COA5: variants seen among roughly 807,000 people sequenced by gnomAD.
COA5 encodes cytochrome c oxidase assembly factor 5.
COA5 carries 11 observed loss-of-function variants against 11.8 expected under a neutral mutation model. The ratio of observed to expected loss-of-function variants is 0.93; its 90% CI spans 0.59 to 1.54. COA5 has a LOEUF of 1.54. Among genes scored for constraint, COA5 ranks in the 40% most tolerant of loss-of-function variants. The probability of loss-of-function intolerance (pLI) is 0.00; values close to 1 mark genes in which losing one functional copy is unlikely to be tolerated. For synonymous variants in COA5, 38 were observed against 37.5 expected (o/e 1.01, Z -0.05); for missense variants, 87 against 89.2 (o/e 0.97, Z 0.10).
intron 2 of COA5, 99 bp from the exon 3 acceptor site, chr2:98,600,892 AGTT>A: frequency 1.3e-6 from 1 of 778,318 alleles, no homozygotes; most frequent in South Asian, 1.5e-5. Context: ...GAAATAAACC[AGTT>A]ATTAGCAAAA....
chr2:98,603,612 A>G (rs1700673092), intron 2 of COA5, among the ~76,000 whole-genome samples: 2 of 152,222 alleles, frequency 1.3e-5, no homozygotes, highest in Non-Finnish European at 1.5e-5. Context: ...AAAGATCTCC[A>G]TACATCTTCC....
In COA5 at chr2:98,604,369, T is replaced by A. The variant is rs529161842; in HGVS notation, c.100-178A>T. ...TGGTGCCTAAAGAATGAAAAAAAAA[T>A]TGTAAAGTAACTTGGGAACTTTAAG... On this transcript the variant is annotated intron_variant, in intron 1 of 2. Transcript: ENST00000328709. 11 of 588,636 alleles carry A rather than the reference T, an allele frequency of 1.9e-5. No individual in the cohort carries two copies. The African/African-American group carries it at 2.1e-4, about 11-fold the overall frequency. 36.5% of individuals were successfully genotyped at this position (588,636 alleles called of 1,614,324 possible).
At chr2:98,606,477 C>T (rs533888905) in intron 1 of COA5, among the ~76,000 whole-genome samples, 7 of 152,292 alleles carry the variant, frequency 4.6e-5, no homozygotes, top group South Asian at 2.1e-4. Context: ...TATTCAATGG[C>T]GGGAAAAGCA....
chr2:98,608,203 G>T, intron 1 of COA5, 104 bp downstream of exon 1: 1 of 807,802 alleles, frequency 1.2e-6, no homozygotes. Flanking sequence ...CTACGCCCGG[G>T]ATGGTTAACT....
At chr2:98,603,949 G>C (rs1440497822) in intron 2 of COA5, among the ~76,000 whole-genome samples, 159 bp downstream of exon 2, 1 of 152,158 alleles carries the variant, frequency 6.6e-6, no homozygotes, top group African/African-American at 2.4e-5. Context: ...TTTTATGAAC[G>C]CTACCTAACG....
Position 98,600,422 on chromosome 2 carries a change from T to A in COA5, c.*330A>T, listed in dbSNP as rs1700626181. ...TGTCAGTCAAATCAGTGGCCTGTAC[T>A]AATTGGGTAATTCAATTGAAGAGTC... On this transcript the variant is annotated 3_prime_UTR_variant, in exon 3 of 3. Transcript: ENST00000328709. 5.3e-6 allele frequency: 2 copies of A among 376,820 alleles called. No individual in the cohort carries two copies. The highest frequency in any genetic ancestry group is 1.0e-5 in the Non-Finnish European group (2 of 199,904). The allele number at this position is 376,820 out of a possible 1,614,324, so 23.3% of individuals were successfully genotyped here.
At chr2:98,601,608 A>G (rs985160402) in intron 2 of COA5, among the ~76,000 whole-genome samples, 7 of 152,134 alleles carry the variant, frequency 4.6e-5, no homozygotes, top group Non-Finnish European at 8.8e-5. Context: ...TGCATAGTCA[A>G]TGTCACTCCC....
chr2:98,606,888 G>A lies in COA5; in HGVS notation c.99+1419C>T, dbSNP rs548380604. Among the ~76,000 whole-genome samples, 10 of 152,100 alleles carry A rather than the reference G, an allele frequency of 6.6e-5. No homozygotes were observed. In the South Asian group the frequency reaches 8.3e-4, roughly 13 times the overall value. ...TATGGCAGGACACTAGCTCCTCTGCGCCCTCCCACATCTCCCTGCCTCTGC... is the reference window on the plus strand; with the variant it reads ...TATGGCAGGACACTAGCTCCTCTGCACCCTCCCACATCTCCCTGCCTCTGC... On this transcript the variant is annotated intron_variant, in intron 1 of 2. Transcript: ENST00000328709.
In COA5 at chr2:98,608,366, A is replaced by T; in HGVS notation, c.40T>A (p.Cys14Ser). ...YYEDKPQGGACAGLKEDLGAC... is the reference protein window; with the variant it reads ...YYEDKPQGGASAGLKEDLGAC... ...CCCAGGTCCTCCTTCAGGCCCGCGCACGCGCCGCCCTGCGGCTTGTCCTCA... is the reference window on the plus strand; with the variant it reads ...CCCAGGTCCTCCTTCAGGCCCGCGCTCGCGCCGCCCTGCGGCTTGTCCTCA... The change falls in exon 1 of 3, where the codon TGC becomes AGC. Residue 14 changes from cysteine (C) to serine (S), a missense_variant. Coordinates refer to ENST00000328709, the MANE Select transcript of COA5 (RefSeq NM_001008215.3). 6.2e-7 allele frequency: 1 copy of T among 1,609,696 alleles called. No individual in the cohort carries two copies. The highest frequency in any genetic ancestry group is 8.5e-7 in the Non-Finnish European group (1 of 1,178,846).
intron 2 of COA5, among the ~76,000 whole-genome samples, chr2:98,601,784 A>G (rs1700644488): frequency 6.6e-6 from 1 of 152,170 alleles, no homozygotes; most frequent in Non-Finnish European, 1.5e-5. Context: ...GATCAGCAGC[A>G]TTAGAGTCTC....
At chr2:98,600,932 C>T (rs1700634496) in intron 2 of COA5, 139 bp from the exon 3 acceptor site, 2 of 661,852 alleles carry the variant, frequency 3.0e-6, no homozygotes, top group South Asian at 1.6e-5. Flanking sequence ...ATCAGAACTA[C>T]CAAGAAAAAC....
intron 1 of COA5, among the ~76,000 whole-genome samples, chr2:98,605,081 C>A (rs951275943): frequency 2.6e-5 from 4 of 152,208 alleles, no homozygotes; most frequent in African/African-American, 9.7e-5. Flanking sequence ...AAGCTTTCAA[C>A]CTATATTGTC....
chr2:98,605,088 T>C (rs542542750), intron 1 of COA5, among the ~76,000 whole-genome samples: 30 of 152,322 alleles, frequency 2.0e-4, no homozygotes, highest in African/African-American at 7.2e-4. Context: ...CAACCTATAT[T>C]GTCAACTGCC....
rs1034773046 is a variant in COA5 at position 98,599,476 on chromosome 2, T to C, written c.*1276A>G. On this transcript the variant is annotated 3_prime_UTR_variant, in exon 3 of 3. Transcript: ENST00000328709. ...ATATATATACATTGAAAAAAACTAT[T>C]ATTGTCCCTTTCCTGGTGAAAAGGA... 5 of 152,184 alleles carry C rather than the reference T, an allele frequency of 3.3e-5. No homozygotes were observed. Among genetic ancestry groups the C allele is most frequent in the Non-Finnish European group, 7.3e-5 (5 of 68,030 alleles). 9.4% of individuals were successfully genotyped at this position (152,184 alleles called of 1,614,324 possible).
rs111881889 is a variant in COA5 at position 98,606,780 on chromosome 2, A to G, written c.99+1527T>C. On this transcript the variant is annotated intron_variant, in intron 1 of 2. Coordinates refer to ENST00000328709, the MANE Select transcript of COA5 (RefSeq NM_001008215.3). Reference sequence around the variant, plus strand: ...CTTCCGATGCTGAACGTCTGGATAAAATCCAGTCTCCTCACTCTGACACAC... The same window carrying G: ...CTTCCGATGCTGAACGTCTGGATAAGATCCAGTCTCCTCACTCTGACACAC... Among the ~76,000 whole-genome samples, 784 of 152,214 alleles carry G rather than the reference A, an allele frequency of 5.2e-3. 11 individuals carry two copies. Among genetic ancestry groups the G allele is most frequent in the African/African-American group, 0.018 (758 of 41,524 alleles).
chr2:98,601,026 A>C (rs1700635527), intron 2 of COA5, among the ~76,000 whole-genome samples: 1 of 152,114 alleles, frequency 6.6e-6, no homozygotes, highest in South Asian at 2.1e-4. Flanking sequence ...TGGGCGGATC[A>C]CAAGGTCAAG....
At chr2:98,605,100 G>C (rs1307569211) in intron 1 of COA5, among the ~76,000 whole-genome samples, 4 of 152,174 alleles carry the variant, frequency 2.6e-5, no homozygotes, top group Admixed American at 2.6e-4. Flanking sequence ...TCAACTGCCT[G>C]GGGTAAAGAT....
chr2:98,600,764 T>C lies in COA5; in HGVS notation c.213A>G (p.Arg71=). The part of the protein sequence containing the change: ...VLDNRARFRG[R]KGY ...TCAACATAATGCATCAATATCCTTT[T>C]CTTCCTCTGAATCTTGCCCTGTTAT... The change falls in exon 3 of 3, where the codon AGA becomes AGG. Residue 71 remains arginine (R), a synonymous_variant. Coordinates refer to ENST00000328709, the MANE Select transcript of COA5 (RefSeq NM_001008215.3). 6.2e-7 allele frequency: 1 copy of C among 1,609,254 alleles called. No homozygotes were observed. The highest frequency in any genetic ancestry group is 1.1e-5 in the South Asian group (1 of 90,794).
rs979687821 is a variant in COA5 at position 98,608,498 on chromosome 2, C to T, written c.-93G>A. 1 of 1,016,294 alleles carries T rather than the reference C, an allele frequency of 9.8e-7. No individual in the cohort carries two copies. The highest frequency in any genetic ancestry group is 1.5e-6 in the Non-Finnish European group (1 of 670,978). The allele number at this position is 1,016,294 out of a possible 1,614,324, so 63.0% of individuals were successfully genotyped here. A position where few individuals can be genotyped will look rare whatever the true frequency, so the allele number is the denominator to read the frequency against. On this transcript the variant is annotated 5_prime_UTR_variant, in exon 1 of 3. Coordinates refer to ENST00000328709, the MANE Select transcript of COA5 (RefSeq NM_001008215.3). ...CGAGCGAGGCCCCAGTCTCAGGGGA[C>T]CGGAAGCCAGCGGCAACAACTTCCG...
Sources: gnomAD v4.1 joint callset for allele counts (sites outside exome capture counted in the v4.1 genomes callset) on GRCh38, gnomAD v4.1.1 for gene constraint, MANE v1.5 for transcripts, NCBI Gene and HGNC (gene_info 2026-07-23, HGNC 2026-07-21) for gene names.